CDK13: variants seen among roughly 807,000 people sequenced by gnomAD.
CDK13 encodes cyclin dependent kinase 13, also known as cyclin-dependent kinase 13.
Under a neutral mutation model 137.6 loss-of-function variants are expected in CDK13, and 40 were observed. The observed-to-expected ratio is 0.29, with a 90% CI of 0.23 to 0.38. The LOEUF (loss-of-function observed/expected upper bound fraction) is 0.38, where lower values mean the gene tolerates loss of function less well. CDK13 is among the 10% of genes least tolerant of loss of function. CDK13 has a pLI of 1.00. For synonymous variants in CDK13, 869 were observed against 760.1 expected, an observed-to-expected ratio of 1.14 and a Z score of -2.36; for missense variants, 1,704 against 1,951.8, an observed-to-expected ratio of 0.87 and a Z score of 2.39.
intron 1 of CDK13, among the ~76,000 whole-genome samples, chr7:39,970,466 C>CT (rs556038389): frequency 0.26 from 18,436 of 70,218 alleles, 3,716 homozygotes; most frequent in African/African-American, 0.51. Context: ...CTGTTGTCAT[C>CT]TTTTTTTTTT....
intron 5 of CDK13, among the ~76,000 whole-genome samples, chr7:40,011,276 C>G (rs1021067906): frequency 6.6e-6 from 1 of 152,168 alleles, no homozygotes; most frequent in Admixed American, 6.5e-5. Flanking sequence ...ATAATCCCAA[C>G]CCCTTGGAGG....
intron 9 of CDK13, among the ~76,000 whole-genome samples, chr7:40,064,226 G>GT (rs1341967697): frequency 2.7e-5 from 4 of 149,858 alleles, no homozygotes; most frequent in African/African-American, 9.9e-5. Flanking sequence ...GAAGGTTGCT[G>GT]TGAGCCGAGA....
At chr7:40,091,583 G>A (rs1006814730) in intron 12 of CDK13, among the ~76,000 whole-genome samples, 1 of 151,758 alleles carries the variant, frequency 6.6e-6, no homozygotes, top group African/African-American at 2.4e-5. Context: ...TTTCTTCTCC[G>A]TCATCAGTAA....
chr7:39,954,587 T>C lies in CDK13; in HGVS notation c.1211+2735T>C, dbSNP rs539944092. Reference sequence around the variant, plus strand: ...TGGAGTTTACTGAACATACAAAATATTAATGTGGGCTTTGTATTACAAACT... The same window carrying C: ...TGGAGTTTACTGAACATACAAAATACTAATGTGGGCTTTGTATTACAAACT... On this transcript the variant is annotated intron_variant, in intron 1 of 13. Coordinates refer to ENST00000181839, the MANE Select transcript of CDK13 (RefSeq NM_003718.5). Among the ~76,000 whole-genome samples, 19 of 152,316 alleles carry C rather than the reference T, an allele frequency of 1.2e-4. No individual in the cohort carries two copies. In the East Asian group the frequency reaches 3.7e-3, roughly 29 times the overall value.
chr7:40,010,489 G>C (rs1193451108), intron 5 of CDK13, among the ~76,000 whole-genome samples: 1 of 152,158 alleles, frequency 6.6e-6, no homozygotes, highest in Non-Finnish European at 1.5e-5. Flanking sequence ...TTCCAGACCA[G>C]CCTGAACAAC....
chr7:39,973,556 T>C (rs913318671), intron 1 of CDK13, among the ~76,000 whole-genome samples: 5 of 152,234 alleles, frequency 3.3e-5, no homozygotes, highest in African/African-American at 1.2e-4. Flanking sequence ...ATTTCTTTCA[T>C]TCTATCACTT....
chr7:39,997,399 A>C (rs974050907), intron 2 of CDK13, 95 bp from the exon 3 acceptor site: 1 of 927,396 alleles, frequency 1.1e-6, no homozygotes, highest in African/African-American at 1.7e-5. Flanking sequence ...ACTGTTGAAT[A>C]TTCATGACTA....
chr7:40,018,576 C>CTGAGAGT (rs1785050528), intron 5 of CDK13, among the ~76,000 whole-genome samples: 1 of 152,024 alleles, frequency 6.6e-6, no homozygotes, highest in African/African-American at 2.4e-5. Context: ...ACTACTCAGC[C>CTGAGAGT]ATAAAAAAGA....
intron 5 of CDK13, among the ~76,000 whole-genome samples, chr7:40,015,375 C>T (rs1784982479): frequency 6.6e-6 from 1 of 152,060 alleles, no homozygotes; most frequent in Non-Finnish European, 1.5e-5. Context: ...AATATGTGCT[C>T]TTGGAACAGG....
At chr7:40,018,020 C>T (rs984684770) in intron 5 of CDK13, among the ~76,000 whole-genome samples, 2 of 151,392 alleles carry the variant, frequency 1.3e-5, no homozygotes, top group African/African-American at 4.9e-5. Flanking sequence ...TTAATTATCA[C>T]CACCCTATAG....
chr7:40,026,471 G>A (rs1785246011), intron 5 of CDK13, among the ~76,000 whole-genome samples: 1 of 152,188 alleles, frequency 6.6e-6, no homozygotes, highest in Admixed American at 6.5e-5. Flanking sequence ...TGCGATTGCA[G>A]CACTGCACTC....
chr7:40,088,071 T>C, intron 11 of CDK13, 55 bp from the exon 12 acceptor site: 3 of 1,473,620 alleles, frequency 2.0e-6, no homozygotes, highest in South Asian at 2.4e-5. Context: ...ATAGTAACTG[T>C]AGCATTTTTT....
intron 1 of CDK13, among the ~76,000 whole-genome samples, chr7:39,980,974 C>T (rs2116232898): frequency 6.6e-6 from 1 of 152,282 alleles, no homozygotes; most frequent in South Asian, 2.1e-4. Flanking sequence ...AGAAAGTTCT[C>T]TTCTTAAAGA....
intron 7 of CDK13, among the ~76,000 whole-genome samples, chr7:40,052,795 A>T (rs1785922584): frequency 1.3e-5 from 2 of 152,166 alleles, no homozygotes; most frequent in African/African-American, 4.8e-5. Flanking sequence ...TGTTCCCTAA[A>T]ACATTGACTG....
intron 10 of CDK13, 155 bp downstream of exon 10, chr7:40,078,276 C>A: frequency 2.3e-6 from 1 of 427,808 alleles, no homozygotes. Context: ...ATGCAGATTA[C>A]CATTTTACCA....
chr7:40,091,512 C>CA (rs571015632), intron 12 of CDK13, among the ~76,000 whole-genome samples: 106 of 135,110 alleles, frequency 7.8e-4, no homozygotes, highest in African/African-American at 9.0e-4. Context: ...GACTCTGTCT[C>CA]AAAAAAAAAA....
chr7:40,041,537 G>A (rs989789068), intron 5 of CDK13, among the ~76,000 whole-genome samples: 2 of 151,908 alleles, frequency 1.3e-5, no homozygotes, highest in South Asian at 4.1e-4. Context: ...ACCAGAACTC[G>A]TAGCATTTTT....
At chr7:40,086,272 A>G (rs1419985203) in intron 11 of CDK13, among the ~76,000 whole-genome samples, 1 of 152,196 alleles carries the variant, frequency 6.6e-6, no homozygotes, top group African/African-American at 2.4e-5. Flanking sequence ...AGGAAAGCAG[A>G]CATATGGATA....
intron 1 of CDK13, among the ~76,000 whole-genome samples, chr7:39,969,047 G>C (rs998048173): frequency 6.6e-6 from 1 of 151,990 alleles, no homozygotes; most frequent in African/African-American, 2.4e-5. Flanking sequence ...ATGGAGCCTC[G>C]CTCTGTGGCT....
Sources: gnomAD v4.1 joint callset for allele counts (sites outside exome capture counted in the v4.1 genomes callset) on GRCh38, gnomAD v4.1.1 for gene constraint, MANE v1.5 for transcripts, NCBI Gene and HGNC (gene_info 2026-07-23, HGNC 2026-07-21) for gene names.